CCNB3: variants seen among roughly 807,000 people sequenced by gnomAD.
CCNB3 encodes the protein cyclin B3, also known as G2/mitotic-specific cyclin-B3.
A neutral mutation model predicts 68.0 loss-of-function variants in CCNB3; 12 were observed. The observed-to-expected ratio is 0.18, with a 90% confidence interval of 0.11 to 0.29. CCNB3 has a LOEUF of 0.29. CCNB3 is among the 10% of genes least tolerant of loss of function. CCNB3 has a pLI of 1.00. For missense variants in CCNB3, 904 were observed against 993.1 expected (o/e 0.91, Z 1.21); for synonymous variants, 354 against 388.9 (o/e 0.91, Z 1.06).
chrX:50,324,538 GT>G (rs1223133067), intron 8 of CCNB3, among the ~76,000 whole-genome samples: 1 of 112,014 alleles, frequency 8.9e-6, no homozygotes, highest in Non-Finnish European at 1.9e-5. Flanking sequence ...CTCACAAGCA[GT>G]TTTTTAAAAA....
rs151320541 is a variant in CCNB3 at position 50,311,051 on chromosome X, C to T, written c.2882C>T (p.Thr961Ile). 21 of 1,206,760 alleles carry T rather than the reference C, an allele frequency of 1.7e-5. No homozygotes were observed. Among genetic ancestry groups the T allele is most frequent in the Admixed American group, 4.4e-5 (2 of 45,324 alleles). The change falls in exon 6 of 13, where the codon ACC becomes ATC. Residue 961 changes from threonine (T) to isoleucine (I), a missense_variant. Physicochemically the swap from Thr to Ile is moderately conservative, Grantham distance 89. Transcript: ENST00000376042. Reference sequence around the variant, plus strand: ...GAGAGTCCCACCTACAAGGAAGACACCTTTCTCAAAACATTGTTGGTCCCC... The same window carrying T: ...GAGAGTCCCACCTACAAGGAAGACATCTTTCTCAAAACATTGTTGGTCCCC... ...LQESPTYKED[T>I]FLKTLLVPQV...
intron 8 of CCNB3, among the ~76,000 whole-genome samples, chrX:50,323,951 A>G (rs902875589): frequency 2.7e-5 from 3 of 112,605 alleles, no homozygotes; most frequent in Admixed American, 1.9e-4. Flanking sequence ...AATTTTTATA[A>G]TAACAATGGC....
chrX:50,306,428 T>C lies in CCNB3; in HGVS notation c.336-2077T>C, dbSNP rs782004923. 8.9e-5 allele frequency among the ~76,000 whole-genome samples: 10 copies of C among 111,877 alleles called. No individual in the cohort carries two copies. In the South Asian group the frequency reaches 1.5e-3, roughly 17 times the overall value. On this transcript the variant is annotated intron_variant, in intron 5 of 12. Coordinates refer to ENST00000376042, the MANE Select transcript of CCNB3 (RefSeq NM_033031.3). ...ATCATGTCATCTGTGAATACAGATA[T>C]TTTTACTTTTCCAAACTGGATGACT...
chrX:50,298,924 G>T (rs950343535), intron 5 of CCNB3, among the ~76,000 whole-genome samples: 1 of 112,036 alleles, frequency 8.9e-6, no homozygotes, highest in Non-Finnish European at 1.9e-5. Context: ...TTGTGTAGAG[G>T]TGTTTATAGT....
chrX:50,227,999 G>C (rs1354928242), intron 1 of CCNB3, among the ~76,000 whole-genome samples: 3 of 83,664 alleles, frequency 3.6e-5, no homozygotes, highest in Admixed American at 1.6e-4. Context: ...AATATATATA[G>C]AGAATATATA....
intron 1 of CCNB3, among the ~76,000 whole-genome samples, chrX:50,227,476 T>A (rs1326975426): frequency 1.2e-5 from 1 of 82,081 alleles, no homozygotes; most frequent in South Asian, 5.9e-4. Flanking sequence ...TATCTAAATA[T>A]ATATAGACAG....
intron 8 of CCNB3, among the ~76,000 whole-genome samples, chrX:50,329,155 A>G (rs1379086284): frequency 1.8e-5 from 2 of 111,448 alleles, no homozygotes; most frequent in Non-Finnish European, 3.8e-5. Context: ...CCATGGCTCT[A>G]CAATTCTGGG....
chrX:50,305,044 T>C (rs1557213283), intron 5 of CCNB3, among the ~76,000 whole-genome samples: 1 of 111,706 alleles, frequency 9.0e-6, no homozygotes, highest in African/African-American at 3.3e-5. Flanking sequence ...GGAACACTTT[T>C]ACACTGTTGG....
chrX:50,329,052 C>T (rs1416178576), intron 8 of CCNB3, among the ~76,000 whole-genome samples: 3 of 112,713 alleles, frequency 2.7e-5, no homozygotes, highest in African/African-American at 9.7e-5. Flanking sequence ...GGCAGCTCTG[C>T]CCCTGTGACT....
chrX:50,224,212 G>T (rs1391706881), intron 1 of CCNB3, among the ~76,000 whole-genome samples: 8 of 110,720 alleles, frequency 7.2e-5, no homozygotes, highest in East Asian at 2.8e-4. Flanking sequence ...TATTTTCATG[G>T]TTCCATTTTA....
intron 8 of CCNB3, among the ~76,000 whole-genome samples, chrX:50,329,287 C>T (rs1235710157): frequency 5.3e-5 from 6 of 112,436 alleles, no homozygotes; most frequent in African/African-American, 1.9e-4. Flanking sequence ...CCAAACTGCC[C>T]TCATAAAGGT....
chrX:50,311,596 TGTTG>T (rs1921462709), intron 6 of CCNB3, 100 bp downstream of exon 6: 1 of 624,374 alleles, frequency 1.6e-6, no homozygotes, highest in African/African-American at 2.3e-5. Context: ...TTTTGTTTTT[TGTTG>T]TTGTTGTTGT....
At chrX:50,210,048 G>A (rs1395488186) in intron 1 of CCNB3, among the ~76,000 whole-genome samples, 1 of 111,850 alleles carries the variant, frequency 8.9e-6, no homozygotes, top group African/African-American at 3.2e-5. Flanking sequence ...GCAAGATTAT[G>A]GAAATATTCT....
chrX:50,289,312 G>A (rs782746731), intron 4 of CCNB3, among the ~76,000 whole-genome samples: 12 of 110,670 alleles, frequency 1.1e-4, no homozygotes, highest in Non-Finnish European at 1.5e-4. Context: ...AGCACCCCTC[G>A]TCCTCAGGCA....
chrX:50,316,428 A>G (rs1238099327), intron 8 of CCNB3, among the ~76,000 whole-genome samples: 2 of 112,557 alleles, frequency 1.8e-5, no homozygotes, highest in Admixed American at 1.9e-4. Flanking sequence ...GGATAAAATT[A>G]CTATGAATAT....
chrX:50,317,852 G>A (rs1921814867), intron 8 of CCNB3, among the ~76,000 whole-genome samples: 1 of 111,301 alleles, frequency 9.0e-6, no homozygotes. Context: ...TTACAGGCGT[G>A]AGGCACTGTG....
Position 50,294,886 on chromosome X carries a change from G to C in CCNB3, c.228G>C (p.Gln76His), listed in dbSNP as rs1557210624. 1.7e-6 allele frequency: 2 copies of C among 1,207,814 alleles called. No homozygotes were observed. The highest frequency in any genetic ancestry group is 3.5e-5 in the African/African-American group (2 of 57,506). ...AGGCTTCTCAATGTCAACCTGTCCA[G>C]CCCAAGAAAGAAGCCAATAAAGAGT... The part of the protein sequence containing the change: ...LTNASQCQPV[Q>H]PKKEANKEFV... The change falls in exon 5 of 13, where the codon CAG becomes CAC. Residue 76 changes from glutamine to histidine, a missense_variant. By Grantham distance (24) the Gln-to-His change is conservative (BLOSUM62 0). Transcript: ENST00000376042.
chrX:50,309,531 C>T lies in CCNB3; in HGVS notation c.1362C>T (p.Pro454=). 3.3e-6 allele frequency: 4 copies of T among 1,211,123 alleles called. No individual in the cohort carries two copies. Among genetic ancestry groups the T allele is most frequent in the Non-Finnish European group, 3.4e-6 (3 of 895,316 alleles). Residue 454 remains proline, a synonymous_variant, in exon 6 of 13, where the codon CCC becomes CCT. Coordinates refer to ENST00000376042, the MANE Select transcript of CCNB3 (RefSeq NM_033031.3). ...AGGAGGTTTCCATCTTAAAGGAGCC[C>T]TCGTCCTTGCTAAAGTCTCCAACTG... ...TQEEVSILKE[P]SSLLKSPTEE...
At chrX:50,298,343 G>A (rs1270930155) in intron 5 of CCNB3, among the ~76,000 whole-genome samples, 33 of 111,414 alleles carry the variant, frequency 3.0e-4, no homozygotes, top group Non-Finnish European at 5.3e-4. Flanking sequence ...TAGCATGAAG[G>A]GTTGTTGAAT....
Sources: allele counts gnomAD v4.1 joint callset (sites outside exome capture counted in the v4.1 genomes callset), GRCh38; gene constraint gnomAD v4.1.1; transcripts MANE v1.5; gene names NCBI Gene and HGNC (gene_info 2026-07-23, HGNC 2026-07-21).